ERCC6L: variants seen among roughly 807,000 people sequenced by gnomAD.
The protein encoded by ERCC6L is DNA excision repair protein ERCC-6-like.
Under a neutral mutation model 20.1 loss-of-function variants are expected in ERCC6L, and 7 were observed. That is an observed-to-expected ratio of 0.35 (90% CI 0.20 to 0.65). The LOEUF is 0.65. Among genes scored for constraint, ERCC6L ranks in the 30% least tolerant of loss-of-function variants. The probability of loss-of-function intolerance (pLI) is 0.69; values close to 1 mark genes in which losing one functional copy is unlikely to be tolerated. For missense variants in ERCC6L, 592 were observed against 892.4 expected (o/e 0.66, Z 4.29); for synonymous variants, 278 against 331.3 (o/e 0.84, Z 1.75).
At position 72,205,790 on chromosome X, in the gene ERCC6L, C is replaced by G; in HGVS notation, c.2977G>C (p.Val993Leu). The G allele has an allele frequency of 4.1e-6, 5 of 1,212,074 alleles. No individual in the cohort carries two copies. The highest frequency in any genetic ancestry group is 5.6e-6 in the Non-Finnish European group (5 of 895,598). Residue 993 changes from valine to leucine, a missense_variant, in exon 2 of 2, where the codon GTG (valine) becomes CTG (leucine). By Grantham distance (32) the Val-to-Leu change is conservative. Coordinates refer to ENST00000334463, the MANE Select transcript of ERCC6L (RefSeq NM_017669.4). The stretch of plus-strand genomic sequence containing the variant: ...CAACTGAGACATGTTTTGCTATGCA[C>G]AAACCCTGCTCTGGAATTAGGTGCA... Reference protein sequence around the residue: ...GSAPNSRAGFVHSKTCLSWEF... With the variant: ...GSAPNSRAGFLHSKTCLSWEF...
intron 1 of ERCC6L, among the ~76,000 whole-genome samples, chrX:72,222,607 T>C (rs1363976152): frequency 9.3e-6 from 1 of 107,277 alleles, no homozygotes; most frequent in Non-Finnish European, 1.9e-5. Context: ...TTTTTTTTTT[T>C]TTTTTTTTTA....
chrX:72,218,918 G>A (rs933876913), intron 1 of ERCC6L, among the ~76,000 whole-genome samples: 35 of 112,444 alleles, frequency 3.1e-4, no homozygotes, highest in African/African-American at 1.1e-3. Flanking sequence ...GCACCTCCTC[G>A]TATAAATTTA....
chrX:72,205,189 G>A lies in ERCC6L; in HGVS notation c.3578C>T (p.Ala1193Val), dbSNP rs1226349013. The change falls in exon 2 of 2, where the codon GCG becomes GTG. Residue 1193 changes from alanine to valine, a missense_variant. Physicochemically the swap from Ala to Val is moderately conservative, Grantham distance 64. Transcript: ENST00000334463. ...CTCATAGTCATTTGTAGCCTCTGCC[G>A]CCTTATCCTGGGGAGAACCAACCAA... ...EQLVGSPQDK[A>V]AEATNDYETL... 7.4e-6 allele frequency: 9 copies of A among 1,209,562 alleles called. No homozygotes were observed. The African/African-American group carries it at 8.8e-5, about 12-fold the overall frequency.
At chrX:72,238,145 A>G (rs945233784) in intron 1 of ERCC6L, among the ~76,000 whole-genome samples, 1 of 112,188 alleles carries the variant, frequency 8.9e-6, no homozygotes, top group Non-Finnish European at 1.9e-5. Context: ...ACATTTAAAA[A>G]TGGTTAGGAT....
intron 1 of ERCC6L, among the ~76,000 whole-genome samples, chrX:72,228,047 C>G (rs2042963213): frequency 8.9e-6 from 1 of 112,183 alleles, no homozygotes; most frequent in Non-Finnish European, 1.9e-5. Flanking sequence ...TTCCTCCTTC[C>G]TTTGTTCTCC....
chrX:72,210,560 T>C (rs1424260953), intron 1 of ERCC6L, among the ~76,000 whole-genome samples: 2 of 111,714 alleles, frequency 1.8e-5, no homozygotes, highest in East Asian at 2.8e-4. Flanking sequence ...GAAACCCCTA[T>C]GAAACCTGGG....
At chrX:72,222,055 C>T (rs1006268906) in intron 1 of ERCC6L, among the ~76,000 whole-genome samples, 1 of 109,697 alleles carries the variant, frequency 9.1e-6, no homozygotes, top group Non-Finnish European at 1.9e-5. Context: ...AGCCTCCAGC[C>T]CCAAACCCCA....
Position 72,206,445 on chromosome X carries a change from A to T in ERCC6L, c.2322T>A (p.Ser774Arg). Residue 774 changes from serine to arginine, a missense_variant, in exon 2 of 2, where the codon AGT becomes AGA. Coordinates refer to ENST00000334463, the MANE Select transcript of ERCC6L (RefSeq NM_017669.4). ...CTTTGGGCAGATCATCAATGACTACACTTGCCATTTTGGAACTGATATCTT... is the reference window on the plus strand; with the variant it reads ...CTTTGGGCAGATCATCAATGACTACTCTTGCCATTTTGGAACTGATATCTT... The part of the protein sequence containing the change: ...QEEDISSKMA[S>R]VVIDDLPKEG... 8.3e-7 allele frequency: 1 copy of T among 1,210,827 alleles called. No homozygotes were observed. The highest frequency in any genetic ancestry group is 1.1e-6 in the Non-Finnish European group (1 of 895,110).
intron 1 of ERCC6L, among the ~76,000 whole-genome samples, chrX:72,237,126 C>T (rs2043021323): frequency 1.8e-5 from 2 of 112,093 alleles, no homozygotes; most frequent in Non-Finnish European, 3.8e-5. Flanking sequence ...AAAGTGTACA[C>T]TCAGTTACGA....
chrX:72,218,453 T>TA (rs1482610543), intron 1 of ERCC6L, among the ~76,000 whole-genome samples: 2 of 108,893 alleles, frequency 1.8e-5, no homozygotes, highest in Non-Finnish European at 3.8e-5. Flanking sequence ...GGGTCCCCTG[T>TA]ATTTCTATAT....
chrX:72,235,459 G>A (rs1602454383), intron 1 of ERCC6L, among the ~76,000 whole-genome samples: 1 of 102,359 alleles, frequency 9.8e-6, no homozygotes, highest in African/African-American at 3.7e-5. Flanking sequence ...GCAACGGTGC[G>A]ATCTCAGCTC....
At chrX:72,220,150 G>T (rs4825951) in intron 1 of ERCC6L, among the ~76,000 whole-genome samples, 20 of 109,027 alleles carry the variant, frequency 1.8e-4, no homozygotes, top group African/African-American at 6.4e-4. Context: ...TTAGTTTTTA[G>T]GCATGTTAAA....
chrX:72,225,402 T>G (rs1021175564), intron 1 of ERCC6L, among the ~76,000 whole-genome samples: 2 of 111,697 alleles, frequency 1.8e-5, no homozygotes, highest in African/African-American at 6.5e-5. Context: ...TCTAGAACAT[T>G]GTATTCAACA....
At chrX:72,237,413 A>G (rs908200505) in intron 1 of ERCC6L, among the ~76,000 whole-genome samples, 1 of 110,529 alleles carries the variant, frequency 9.0e-6, no homozygotes, top group Non-Finnish European at 1.9e-5. Flanking sequence ...CCCGGCTAAC[A>G]CGGTGAAACC....
chrX:72,206,018 T>A lies in ERCC6L; in HGVS notation c.2749A>T (p.Ile917Leu), dbSNP rs1307730552. Residue 917 changes from isoleucine to leucine, a missense_variant, in exon 2 of 2, where the codon ATA becomes TTA. This residue lies in a region of ERCC6L where 352 missense variants were observed against 402.6 expected (regional missense o/e 0.87). Transcript: ENST00000334463. ...NAESNVSIIE[I>L]ADDLSASHSA... ...TGGGATGCTGAAAGGTCATCAGCTA[T>A]TTCAATAATGGATACATTTGATTCT... is the stretch of plus-strand genomic sequence containing the variant. The A allele has an allele frequency of 8.3e-7, 1 of 1,210,481 alleles. No homozygotes were observed. Among genetic ancestry groups the A allele is most frequent in the Non-Finnish European group, 1.1e-6 (1 of 895,308 alleles).
At chrX:72,222,598 T>C (rs866862076) in intron 1 of ERCC6L, among the ~76,000 whole-genome samples, 11,508 of 99,624 alleles carry the variant, frequency 0.12, 900 homozygotes, top group East Asian at 0.48. Context: ...ATCCAGCCTT[T>C]TTTTTTTTTT....
intron 1 of ERCC6L, among the ~76,000 whole-genome samples, chrX:72,211,355 GAGA>G (rs200323137): frequency 0.03 from 3,284 of 111,008 alleles, 54 homozygotes; most frequent in Non-Finnish European, 0.049. Context: ...AGAGAACAAG[GAGA>G]AGAATAGTGC....
Position 72,236,802 on chromosome X carries a change from A to G in ERCC6L, c.68+2042T>C, listed in dbSNP as rs754034462. Among the ~76,000 whole-genome samples the G allele has an allele frequency of 3.7e-4, 41 of 112,123 alleles. 1 individual carries two copies. In the Middle Eastern group the frequency reaches 0.014, roughly 38 times the overall value. ...TGATGAGAAAAAAATTGGTTTTGCT[A>G]CGTCATTTCACTTAAAGTCAGTTTC... On this transcript the variant is annotated intron_variant, in intron 1 of 1. Coordinates refer to ENST00000334463, the MANE Select transcript of ERCC6L (RefSeq NM_017669.4).
In ERCC6L at chrX:72,206,728, C is replaced by T; in HGVS notation, c.2039G>A (p.Cys680Tyr). 8.3e-7 allele frequency: 1 copy of T among 1,211,310 alleles called. No individual in the cohort carries two copies. The highest frequency in any genetic ancestry group is 1.1e-6 in the Non-Finnish European group (1 of 895,437). Residue 680 changes from cysteine to tyrosine, a missense_variant, in exon 2 of 2, where the codon TGT becomes TAT. This residue lies in a region of ERCC6L where 352 missense variants were observed against 402.6 expected (regional missense o/e 0.87). Transcript: ENST00000334463. ...GISDHDLMYT[C>Y]DLSVKEELDV... ...AAGCTCTTCTTTAACAGACAGATCA[C>T]ATGTGTACATCAAATCATGGTCTGA...
Sources: gnomAD v4.1 joint callset for allele counts (sites outside exome capture counted in the v4.1 genomes callset) on GRCh38, gnomAD v4.1.1 for gene constraint, gnomAD v4.1.1 regional missense constraint, MANE v1.5 for transcripts, NCBI Gene and HGNC (gene_info 2026-07-23, HGNC 2026-07-21) for gene names.